Variants in TRANK1 observed in about 807,000 individuals in gnomAD.
TRANK1 encodes tetratricopeptide repeat and ankyrin repeat containing 1, also known as TPR and ankyrin repeat-containing protein 1.
Under a neutral mutation model 266.0 loss-of-function variants are expected in TRANK1, and 198 were observed. That is an observed-to-expected ratio of 0.74 (90% confidence interval 0.66 to 0.84). The LOEUF is 0.84. Among genes scored for constraint, TRANK1 ranks in the 40% least tolerant of loss-of-function variants. The probability of loss-of-function intolerance (pLI) is 0.00; values close to 1 mark genes in which losing one functional copy is unlikely to be tolerated. For missense variants in TRANK1, 3,326 were observed against 3,634.6 expected, an observed-to-expected ratio of 0.92 and a Z score of 2.18; for synonymous variants, 1,396 against 1,384.1, an observed-to-expected ratio of 1.01 and a Z score of -0.19.
In TRANK1 at chr3:36,829,561, T is replaced by C. The variant is rs1368322545; in HGVS notation, c.8809+3A>G. 1 of 1,613,896 alleles carries C rather than the reference T, an allele frequency of 6.2e-7. No individual in the cohort carries two copies. Among genetic ancestry groups the C allele is most frequent in the Non-Finnish European group, 8.5e-7 (1 of 1,179,816 alleles). On this transcript the variant is annotated splice_donor_region_variant and intron_variant, in intron 23 of 23. Coordinates refer to ENST00000645898, the MANE Select transcript of TRANK1 (RefSeq NM_001329998.2). The stretch of plus-strand genomic sequence containing the variant: ...ACCTGTCCCCACAATCAAGACTCCT[T>C]ACCTTCCTTCTTTAAGCGGGTCTCT...
intron 8 of TRANK1, among the ~76,000 whole-genome samples, chr3:36,878,112 C>T (rs1252624268): frequency 6.6e-6 from 1 of 152,198 alleles, no homozygotes; most frequent in East Asian, 1.9e-4. Flanking sequence ...CAGCGAGCAT[C>T]ACTGCCTGAG....
intron 1 of TRANK1, among the ~76,000 whole-genome samples, chr3:36,940,489 G>A (rs906861898): frequency 7.5e-6 from 1 of 133,048 alleles, no homozygotes; most frequent in African/African-American, 2.6e-5. Context: ...GACAGAGCGA[G>A]AATCTGTTTC....
rs1329812143 is a variant in TRANK1, at chr3:36,856,241, A to C, written c.3481T>G (p.Cys1161Gly). 4 of 1,612,928 alleles carry C rather than the reference A, an allele frequency of 2.5e-6. No homozygotes were observed. The South Asian group carries it at 4.4e-5, about 18-fold the overall frequency. The change falls in exon 13 of 24, where the codon TGC becomes GGC. Residue 1161 changes from cysteine to glycine, a missense_variant. Physicochemically the swap from Cys to Gly is radical, Grantham distance 159. Coordinates refer to ENST00000645898, the MANE Select transcript of TRANK1 (RefSeq NM_001329998.2). The part of the protein sequence containing the change: ...ESIDEQEYEA[C>G]AGGAGVEPAG... ...GGCTCCACACCGGCTCCTCCTGCGCAGGCTTCATACTCCTGCTCATCTATG... is the reference window on the plus strand; with the variant it reads ...GGCTCCACACCGGCTCCTCCTGCGCCGGCTTCATACTCCTGCTCATCTATG...
At chr3:36,850,078 C>G in intron 15 of TRANK1, 1 of 985,402 alleles carries the variant, frequency 1.0e-6, no homozygotes, top group Non-Finnish European at 1.2e-6. Context: ...TCCTTAAGTC[C>G]AGAGCTCCTT....
Position 36,831,983 on chromosome 3 carries a change from A to C in TRANK1, c.7600T>G (p.Cys2534Gly). The change falls in exon 22 of 24, where the codon TGT becomes GGT. Residue 2534 changes from cysteine (C) to glycine (G), a missense_variant. Coordinates refer to ENST00000645898, the MANE Select transcript of TRANK1 (RefSeq NM_001329998.2). The surrounding 1 kb of genome is among the most constrained non-coding windows in gnomAD (Gnocchi z 5.0). ...FHLSYLAKVL[C>G]GYENVNFNVL... ...TTGAAGTTCACATTCTCATAGCCAC[A>C]TAGCACCTTGGCGAGGTAGGAGAGA... The C allele has an allele frequency of 6.2e-7, 1 of 1,614,006 alleles. No individual in the cohort carries two copies. The highest frequency in any genetic ancestry group is 1.1e-5 in the South Asian group (1 of 91,082).
intron 5 of TRANK1, among the ~76,000 whole-genome samples, chr3:36,893,657 A>G (rs1054363285): frequency 9.2e-5 from 14 of 152,210 alleles, no homozygotes; most frequent in Admixed American, 9.2e-4. Context: ...ATCCCAGAGA[A>G]GTTAAGCCAG....
intron 16 of TRANK1, among the ~76,000 whole-genome samples, 179 bp downstream of exon 16, chr3:36,847,021 T>C (rs2078923929): frequency 6.6e-6 from 1 of 151,868 alleles, no homozygotes; most frequent in Non-Finnish European, 1.5e-5. Flanking sequence ...AGTTCTCTAC[T>C]AAAAAAAATG....
At chr3:36,916,972 C>A (rs13080850) in intron 1 of TRANK1, among the ~76,000 whole-genome samples, 24,619 of 151,812 alleles carry the variant, frequency 0.16, 2,117 homozygotes, top group Middle Eastern at 0.29. Context: ...TACACCACCA[C>A]GCCTGGCTAA....
rs747227361 is a variant in TRANK1 at position 36,855,235 on chromosome 3, T to G, written c.4487A>C (p.Gln1496Pro). ...HYASRNTIDK[Q>P]CAVRKPKKIH... is the part of the protein sequence containing the mutation. ...CTTCTTGGGCTTCCGGACAGCACAC[T>G]GCTTGTCTATGGTGTTTCTGCTGGC... Residue 1496 changes from glutamine to proline, a missense_variant, in exon 13 of 24, where the codon CAG (glutamine) becomes CCG (proline). By Grantham distance (76) the Gln-to-Pro change is moderately conservative. Transcript: ENST00000645898. 5 of 1,614,034 alleles carry G rather than the reference T, an allele frequency of 3.1e-6. No individual in the cohort carries two copies. The highest frequency in any genetic ancestry group is 3.4e-6 in the Non-Finnish European group (4 of 1,179,894).
upstream of TRANK1, among the ~76,000 whole-genome samples, chr3:36,945,511 G>C (rs1316490814): frequency 6.6e-6 from 1 of 152,194 alleles, no homozygotes; most frequent in Non-Finnish European, 1.5e-5. Flanking sequence ...CGGGAGTGAA[G>C]GGGGCAGCGA....
chr3:36,832,897 AC>A lies in TRANK1; in HGVS notation c.6685del (p.Val2229TrpfsTer18), dbSNP rs1303014016. 1.9e-6 allele frequency: 3 copies of A among 1,613,726 alleles called. No individual in the cohort carries two copies. Among genetic ancestry groups the A allele is most frequent in the Non-Finnish European group, 2.5e-6 (3 of 1,179,784 alleles). ...TTCCAAAAGCAACCCGTTGATTGCC[AC>A]CAAGTTCATTTTCGACTGAACTAAA... is the stretch of plus-strand genomic sequence containing the variant. ...KCLVQSKMNL[V>X]AINGLLLEAK... On this transcript the variant is annotated frameshift_variant, in exon 22 of 24. Transcript: ENST00000645898. LOFTEE classifies it high-confidence loss of function.
chr3:36,938,917 G>T lies in TRANK1; in HGVS notation c.23+5870C>A, dbSNP rs76586165. 7.8e-3 allele frequency among the ~76,000 whole-genome samples: 1,190 copies of T among 151,660 alleles called. 20 individuals carry two copies. Among genetic ancestry groups the T allele is most frequent in the African/African-American group, 0.027 (1,134 of 41,324 alleles). ...AGAGGCTGCAGTGAGCCTAGATCGTGCCACCAAACTCCAGCCTGGGCAACA... is the reference window on the plus strand; with the variant it reads ...AGAGGCTGCAGTGAGCCTAGATCGTTCCACCAAACTCCAGCCTGGGCAACA... On this transcript the variant is annotated intron_variant, in intron 1 of 23. Coordinates refer to ENST00000645898, the MANE Select transcript of TRANK1 (RefSeq NM_001329998.2).
intron 18 of TRANK1, among the ~76,000 whole-genome samples, chr3:36,839,223 G>A (rs916422179): frequency 6.6e-6 from 1 of 152,190 alleles, no homozygotes; most frequent in Admixed American, 6.5e-5. Context: ...CCAGATCCCT[G>A]GGGCATGCAG....
intron 3 of TRANK1, among the ~76,000 whole-genome samples, chr3:36,899,897 C>CACCCA (rs1210634136): frequency 1.3e-5 from 2 of 152,190 alleles, no homozygotes; most frequent in Admixed American, 1.3e-4. Flanking sequence ...CTTGCCCTAT[C>CACCCA]ACCCAGGCTG....
At chr3:36,914,360 C>T (rs1428152218) in intron 1 of TRANK1, among the ~76,000 whole-genome samples, 1 of 151,620 alleles carries the variant, frequency 6.6e-6, no homozygotes, top group Non-Finnish European at 1.5e-5. Flanking sequence ...GTCTTGAACT[C>T]CTGAGCTCAA....
Position 36,855,362 on chromosome 3 carries a change from T to G in TRANK1, c.4360A>C (p.Ile1454Leu). The G allele has an allele frequency of 1.9e-6, 3 of 1,614,038 alleles. No homozygotes were observed. The highest frequency in any genetic ancestry group is 2.5e-6 in the Non-Finnish European group (3 of 1,179,870). The change falls in exon 13 of 24, where the codon ATC (isoleucine) becomes CTC (leucine). Residue 1454 changes from isoleucine (I) to leucine (L), a missense_variant. Physicochemically the swap from Ile to Leu is conservative, Grantham distance 5 (BLOSUM62 2). Transcript: ENST00000645898. ...AGGAACATAGAGTTGGGGTCATTGA[T>G]GCATTTCATCAGCAGCGCCAGCTCG... ...QAELALLMKC[I>L]NDPNSMFLTG...
At chr3:36,828,496 C>T (rs1314262542) in intron 23 of TRANK1, 121 bp from the exon 24 acceptor site, 2 of 705,846 alleles carry the variant, frequency 2.8e-6, no homozygotes, top group Middle Eastern at 3.9e-4. Flanking sequence ...GAAGGAAGGG[C>T]AGAATGGTGA....
intron 3 of TRANK1, among the ~76,000 whole-genome samples, chr3:36,901,940 A>C (rs1246226302): frequency 6.6e-6 from 1 of 152,214 alleles, no homozygotes; most frequent in African/African-American, 2.4e-5. Flanking sequence ...AGGATTGGGA[A>C]TATCCTAAAA....
intron 1 of TRANK1, among the ~76,000 whole-genome samples, chr3:36,943,779 C>G (rs2080531096): frequency 1.3e-5 from 2 of 152,106 alleles, no homozygotes; most frequent in South Asian, 4.1e-4. Flanking sequence ...TTAATCCCAG[C>G]TATTCCTTCC....
Sources: allele counts gnomAD v4.1 joint callset (sites outside exome capture counted in the v4.1 genomes callset), GRCh38; gene constraint gnomAD v4.1.1; non-coding constraint Gnocchi (gnomAD v3.1); transcripts MANE v1.5; gene names NCBI Gene and HGNC (gene_info 2026-07-23, HGNC 2026-07-21).